GRXCR2: variants seen among roughly 807,000 people sequenced by gnomAD.
GRXCR2 encodes glutaredoxin domain-containing cysteine-rich protein 2.
A neutral mutation model predicts 24.8 loss-of-function variants in GRXCR2; 23 were observed. That is an observed-to-expected ratio of 0.93 (90% CI 0.67 to 1.32). GRXCR2 has a LOEUF of 1.32. Ranked by LOEUF, GRXCR2 falls within the 40% of genes most tolerant of loss-of-function variation. GRXCR2 has a pLI of 0.00. For missense variants in GRXCR2, 315 were observed against 303.4 expected, an observed-to-expected ratio of 1.04 and a Z score of -0.28; for synonymous variants, 130 against 116.1, an observed-to-expected ratio of 1.12 and a Z score of -0.77.
intron 2 of GRXCR2, among the ~76,000 whole-genome samples, chr5:145,893,724 C>G (rs972954807): frequency 2.0e-5 from 3 of 152,110 alleles, no homozygotes; most frequent in Admixed American, 6.6e-5. Flanking sequence ...GACAGATCAA[C>G]AAGACATAAA....
chr5:145,889,186 A>AAGAAAGAG (rs1419517699), intron 2 of GRXCR2, among the ~76,000 whole-genome samples: 1 of 133,450 alleles, frequency 7.5e-6, no homozygotes, highest in Non-Finnish European at 1.6e-5. Flanking sequence ...GAAAGAAAGA[A>AAGAAAGAG]AGAAAGAAAG....
chr5:145,930,761 G>T (rs1030524758), intron 2 of GRXCR2, among the ~76,000 whole-genome samples: 4 of 152,120 alleles, frequency 2.6e-5, no homozygotes, highest in African/African-American at 9.7e-5. Flanking sequence ...TCTGGCATCT[G>T]GTTCTTTTAT....
At chr5:145,910,794 T>TC (rs1428144948) in intron 2 of GRXCR2, among the ~76,000 whole-genome samples, 1 of 152,038 alleles carries the variant, frequency 6.6e-6, no homozygotes, top group East Asian at 1.9e-4. Flanking sequence ...CAGATAAGAT[T>TC]TAAGCTAAAA....
intron 2 of GRXCR2, among the ~76,000 whole-genome samples, chr5:145,908,039 A>T (rs1167898708): frequency 6.6e-6 from 1 of 152,118 alleles, no homozygotes; most frequent in Non-Finnish European, 1.5e-5. Context: ...GAAAGATCAG[A>T]GGAAGCTCCA....
chr5:145,923,411 G>A (rs904169566), intron 2 of GRXCR2, among the ~76,000 whole-genome samples: 8 of 152,094 alleles, frequency 5.3e-5, no homozygotes, highest in South Asian at 2.1e-4. Flanking sequence ...TTGTTGTCTC[G>A]AAATGAAAAT....
chr5:145,929,529 T>C (rs758034173), intron 2 of GRXCR2, among the ~76,000 whole-genome samples: 1 of 152,062 alleles, frequency 6.6e-6, no homozygotes, highest in Non-Finnish European at 1.5e-5. Context: ...CATATAACCA[T>C]AATAGATTAT....
At chr5:145,923,445 T>C (rs1757353222) in intron 2 of GRXCR2, among the ~76,000 whole-genome samples, 1 of 152,228 alleles carries the variant, frequency 6.6e-6, no homozygotes, top group South Asian at 2.1e-4. Flanking sequence ...ATGACTGGAA[T>C]ACTTTCATGG....
rs376734435 is a variant in GRXCR2, at chr5:145,887,597, TGAG to T, written c.-69-20872_-69-20870del. Among the ~76,000 whole-genome samples, 834 of 152,368 alleles carry T rather than the reference TGAG, an allele frequency of 5.5e-3. 5 individuals carry two copies. Among genetic ancestry groups the T allele is most frequent in the African/African-American group, 0.019 (804 of 41,592 alleles). ...AAAATTGTCCCTCACCTCAGACTTCTGAGAAGATGAAACACCTGTTTATAATTA... is the reference window on the plus strand; with the variant it reads ...AAAATTGTCCCTCACCTCAGACTTCTAAGATGAAACACCTGTTTATAATTA... On this transcript the variant is annotated intron_variant, in intron 2 of 3. Transcript: ENST00000639411.
chr5:145,867,732 G>C (rs1324227060), intron 1 of GRXCR2, among the ~76,000 whole-genome samples: 1 of 152,192 alleles, frequency 6.6e-6, no homozygotes, highest in African/African-American at 2.4e-5. Flanking sequence ...TAGTTGTGTA[G>C]TGTGATTGTG....
At chr5:145,900,481 TACAA>T (rs1475456371) in intron 2 of GRXCR2, among the ~76,000 whole-genome samples, 3 of 152,026 alleles carry the variant, frequency 2.0e-5, no homozygotes, top group Non-Finnish European at 2.9e-5. Flanking sequence ...CTAATACAGA[TACAA>T]ACAGACACTT....
chr5:145,904,611 G>C (rs1201672911), intron 2 of GRXCR2, among the ~76,000 whole-genome samples: 6 of 152,210 alleles, frequency 3.9e-5, no homozygotes, highest in African/African-American at 1.4e-4. Flanking sequence ...GTCCTGGCAG[G>C]AGCCAGAAGA....
At chr5:145,878,295 T>G (rs1756648394) in intron 2 of GRXCR2, among the ~76,000 whole-genome samples, 1 of 151,912 alleles carries the variant, frequency 6.6e-6, no homozygotes, top group Non-Finnish European at 1.5e-5. Flanking sequence ...GATAAAAACC[T>G]TGAAAAAAGG....
intron 2 of GRXCR2, among the ~76,000 whole-genome samples, chr5:145,901,699 A>C (rs936782223): frequency 6.6e-6 from 1 of 152,212 alleles, no homozygotes; most frequent in Non-Finnish European, 1.5e-5. Flanking sequence ...TAGATGAGGG[A>C]GGGATCTAGG....
intron 1 of GRXCR2, among the ~76,000 whole-genome samples, chr5:145,870,365 G>C (rs2149911321): frequency 6.6e-6 from 1 of 152,182 alleles, no homozygotes; most frequent in Non-Finnish European, 1.5e-5. Flanking sequence ...ATTTCATTTA[G>C]TATAACGTCT....
At chr5:145,923,818 AC>A (rs1375503175) in intron 2 of GRXCR2, among the ~76,000 whole-genome samples, 2 of 152,110 alleles carry the variant, frequency 1.3e-5, no homozygotes, top group Non-Finnish European at 2.9e-5. Context: ...CTGTATGATT[AC>A]CTTATAGTAT....
chr5:145,897,750 C>CA (rs1340810698), intron 2 of GRXCR2, among the ~76,000 whole-genome samples: 1 of 151,916 alleles, frequency 6.6e-6, no homozygotes, highest in Admixed American at 6.6e-5. Flanking sequence ...AGGCAGAAAT[C>CA]AAAAAATTAT....
intron 2 of GRXCR2, among the ~76,000 whole-genome samples, chr5:145,885,188 C>A (rs111709853): frequency 5.3e-5 from 8 of 151,602 alleles, no homozygotes; most frequent in African/African-American, 1.9e-4. Flanking sequence ...AATACTGCTA[C>A]GGCAGAAGGT....
At chr5:145,887,295 C>T (rs781366494) in intron 2 of GRXCR2, among the ~76,000 whole-genome samples, 1 of 152,046 alleles carries the variant, frequency 6.6e-6, no homozygotes, top group Non-Finnish European at 1.5e-5. Flanking sequence ...ATAGTGTCTC[C>T]CTGTTGTCCA....
chr5:145,868,785 T>C (rs867150669), intron 1 of GRXCR2, among the ~76,000 whole-genome samples: 40 of 152,238 alleles, frequency 2.6e-4, no homozygotes, highest in African/African-American at 8.9e-4. Context: ...TATTTTTTGA[T>C]GTACCCCAAA....
Sources: allele counts gnomAD v4.1 joint callset (sites outside exome capture counted in the v4.1 genomes callset), GRCh38; gene constraint gnomAD v4.1.1; transcripts MANE v1.5; gene names NCBI Gene and HGNC (gene_info 2026-07-23, HGNC 2026-07-21).